DNAH17: variants seen among roughly 807,000 people sequenced by gnomAD.
DNAH17 encodes dynein axonemal heavy chain 17.
A neutral mutation model predicts 485.6 loss-of-function variants in DNAH17; 376 were observed. The observed-to-expected ratio is 0.77, with a 90% confidence interval of 0.71 to 0.84. The LOEUF is 0.84. Among genes scored for constraint, DNAH17 ranks in the 40% least tolerant of loss-of-function variants. The pLI, the probability that DNAH17 is intolerant of heterozygous loss-of-function variation, is 0.00. For synonymous variants in DNAH17, 3,031 were observed against 2,405.9 expected, an observed-to-expected ratio of 1.26 and a Z score of -7.60; for missense variants, 6,370 against 5,839.3, an observed-to-expected ratio of 1.09 and a Z score of -2.96.
chr17:78,457,649 G>C (rs142256868), intron 62 of DNAH17, among the ~76,000 whole-genome samples: 1 of 142,312 alleles, frequency 7.0e-6, no homozygotes, highest in Admixed American at 7.5e-5. Context: ...GCGCACAGCC[G>C]TGCCTGGCTT....
At position 78,461,589 on chromosome 17, in the gene DNAH17, C is replaced by T; in HGVS notation, c.9294G>A (p.Lys3098=). The T allele has an allele frequency of 6.2e-7, 1 of 1,605,752 alleles. No homozygotes were observed. Among genetic ancestry groups the T allele is most frequent in the Non-Finnish European group, 8.5e-7 (1 of 1,176,846 alleles). The part of the protein sequence containing the change: ...GIEAEKVSKE[K]AIADQEEVKV... Reference sequence around the variant, plus strand: ...TGACTTCTTCCTGGTCAGCAATGGCCTTCTCTTTGCTGACCTTCTCGGCCT... The same window carrying T: ...TGACTTCTTCCTGGTCAGCAATGGCTTTCTCTTTGCTGACCTTCTCGGCCT... The change falls in exon 58 of 81, where the codon AAG becomes AAA. Residue 3098 remains lysine (K), a synonymous_variant. Coordinates refer to ENST00000389840, the MANE Select transcript of DNAH17 (RefSeq NM_173628.4).
intron 11 of DNAH17, among the ~76,000 whole-genome samples, chr17:78,565,560 G>A (rs1448351394): frequency 6.6e-6 from 1 of 152,196 alleles, no homozygotes; most frequent in Non-Finnish European, 1.5e-5. Flanking sequence ...TCACAGTCAT[G>A]GGAGCTGGTC....
chr17:78,480,618 C>T lies in DNAH17; in HGVS notation c.7752+66G>A. On this transcript the variant is annotated intron_variant, in intron 49 of 80. Coordinates refer to ENST00000389840, the MANE Select transcript of DNAH17 (RefSeq NM_173628.4). ...AACACCCTAAACCAAAGCTTTTCCT[C>T]TCATTTGCCAGAAGCAAGCCTCAGA... The T allele has an allele frequency of 2.2e-6, 3 of 1,394,396 alleles. 1 individual carries two copies. Among genetic ancestry groups the T allele is most frequent in the Non-Finnish European group, 3.0e-6 (3 of 1,011,514 alleles). The allele number at this position is 1,394,396 out of a possible 1,614,324, so 86.4% of individuals were successfully genotyped here.
At chr17:78,551,438 T>A in intron 16 of DNAH17, 97 bp downstream of exon 16, 1 of 1,094,808 alleles carries the variant, frequency 9.1e-7, no homozygotes, top group East Asian at 2.4e-5. Flanking sequence ...ACCCCACACA[T>A]CGCAGCACTT....
chr17:78,478,885 C>A, intron 51 of DNAH17, 140 bp downstream of exon 51: 2 of 691,112 alleles, frequency 2.9e-6, no homozygotes, highest in South Asian at 3.9e-5. Flanking sequence ...ACCATCACCA[C>A]CATTATTATC....
chr17:78,539,174 G>A (rs1447932002), intron 18 of DNAH17, among the ~76,000 whole-genome samples: 1 of 152,110 alleles, frequency 6.6e-6, no homozygotes, highest in African/African-American at 2.4e-5. Flanking sequence ...AGTTTGCAGT[G>A]AGCTGAGATC....
chr17:78,494,194 C>G, intron 40 of DNAH17, 21 bp from the exon 41 acceptor site: 2 of 1,600,458 alleles, frequency 1.2e-6, no homozygotes, highest in Middle Eastern at 1.7e-4. Context: ...ATGGATGAGG[C>G]TGGGTGAGGA....
chr17:78,468,066 C>G (rs899097578), intron 55 of DNAH17, among the ~76,000 whole-genome samples: 1 of 83,300 alleles, frequency 1.2e-5, no homozygotes, highest in Non-Finnish European at 2.5e-5. Context: ...GTGCATTTAT[C>G]TACTTAAACT....
At chr17:78,478,224 CAT>C (rs2089168354) in intron 51 of DNAH17, among the ~76,000 whole-genome samples, 1 of 66,694 alleles carries the variant, frequency 1.5e-5, no homozygotes, top group Non-Finnish European at 2.9e-5. Flanking sequence ...ATCATCACCA[CAT>C]CACCATCACC....
rs757201668 is a variant in DNAH17 at position 78,571,789 on chromosome 17, A to AG, written c.540-8dup. 3.8e-6 allele frequency: 6 copies of AG among 1,569,032 alleles called. No homozygotes were observed. Among genetic ancestry groups the AG allele is most frequent in the Non-Finnish European group, 4.3e-6 (5 of 1,156,592 alleles). On this transcript the variant is annotated splice_polypyrimidine_tract_variant and splice_region_variant and intron_variant, in intron 3 of 80. Transcript: ENST00000389840. ...GTCCAGTGAAGAGGGGATCCTGCCC[A>AG]GTGGAAGGTTGGGGCATTGCTCTCA...
chr17:78,426,532 A>T lies in DNAH17; in HGVS notation c.12840T>A (p.Asp4280Glu). ...STALFYDTVPDTWVARAYPSM... is the reference protein window; with the variant it reads ...STALFYDTVPETWVARAYPSM... ...AGGGGTAGGCCCGGGCCACCCACGT[A>T]TCAGGCACGGTGTCATAGAAGAGAG... Residue 4280 changes from aspartate to glutamate, a missense_variant, in exon 79 of 81, where the codon GAT becomes GAA. By Grantham distance (45) the Asp-to-Glu change is conservative. Transcript: ENST00000389840. 3.1e-6 allele frequency: 5 copies of T among 1,613,688 alleles called. No individual in the cohort carries two copies. Among genetic ancestry groups the T allele is most frequent in the Non-Finnish European group, 4.2e-6 (5 of 1,179,746 alleles).
intron 54 of DNAH17, among the ~76,000 whole-genome samples, chr17:78,472,223 GA>G: frequency 6.8e-6 from 1 of 146,344 alleles, no homozygotes; most frequent in Non-Finnish European, 1.5e-5. Context: ...GGGGGTGTGT[GA>G]GACATTAGGG....
At chr17:78,508,058 G>A (rs775234179) in intron 27 of DNAH17, among the ~76,000 whole-genome samples, 25 of 152,138 alleles carry the variant, frequency 1.6e-4, no homozygotes, top group African/African-American at 3.9e-4. Context: ...GCCACAACGC[G>A]GATAAACCTG....
intron 22 of DNAH17, among the ~76,000 whole-genome samples, chr17:78,527,850 C>T (rs1278231890): frequency 6.6e-6 from 1 of 152,126 alleles, no homozygotes. Context: ...GCGATCTTGG[C>T]TCACCACAAC....
intron 41 of DNAH17, among the ~76,000 whole-genome samples, chr17:78,493,674 G>A (rs1017711604): frequency 3.3e-5 from 5 of 152,198 alleles, no homozygotes; most frequent in Admixed American, 1.3e-4. Flanking sequence ...AGTCACATCC[G>A]CCACCACCCT....
chr17:78,482,121 C>T (rs1276878033), intron 48 of DNAH17, among the ~76,000 whole-genome samples: 1 of 143,550 alleles, frequency 7.0e-6, no homozygotes, highest in African/African-American at 2.6e-5. Context: ...TCTCTCACCC[C>T]GGCTGGAGTG....
chr17:78,531,631 C>T lies in DNAH17; in HGVS notation c.3114+851G>A, dbSNP rs897550841. On this transcript the variant is annotated intron_variant, in intron 20 of 80. Transcript: ENST00000389840. ...GGTATCACAGGCGTGAGCCACCACG[C>T]CCGGCCGACATAAAGTCTGTCTTAT... Among the ~76,000 whole-genome samples, 3 of 152,196 alleles carry T rather than the reference C, an allele frequency of 2.0e-5. No individual in the cohort carries two copies. The East Asian group carries it at 5.8e-4, about 29-fold the overall frequency.
At chr17:78,425,709 G>A in intron 79 of DNAH17, 138 bp from the exon 80 acceptor site, 1 of 690,656 alleles carries the variant, frequency 1.4e-6, no homozygotes, top group African/African-American at 1.9e-5. Context: ...GGACAGAGTA[G>A]GGGCCATGGA....
At chr17:78,506,896 G>T (rs2090500628) in intron 29 of DNAH17, 50 bp from the exon 30 acceptor site, 1 of 1,608,190 alleles carries the variant, frequency 6.2e-7, no homozygotes. Flanking sequence ...ACTCTGTAGG[G>T]ATGTCTGCCA....
Sources: allele counts gnomAD v4.1 joint callset (sites outside exome capture counted in the v4.1 genomes callset), GRCh38; gene constraint gnomAD v4.1.1; transcripts MANE v1.5; gene names NCBI Gene and HGNC (gene_info 2026-07-23, HGNC 2026-07-21).